The following KIAA0825 variants were observed in gnomAD, a reference collection of about 807,000 sequenced individuals.
KIAA0825 encodes KIAA0825.
A neutral mutation model predicts 147.6 loss-of-function variants in KIAA0825; 119 were observed. That is an observed-to-expected ratio of 0.81 (90% CI 0.69 to 0.94). KIAA0825 has a LOEUF of 0.94. Ranked by LOEUF, KIAA0825 falls within the 40% of genes least tolerant of loss-of-function variation. The pLI is 0.00. For synonymous variants in KIAA0825, 470 were observed against 518.1 expected (o/e 0.91, Z 1.26); for missense variants, 1,381 against 1,472.7 (o/e 0.94, Z 1.02).
chr5:94,301,891 T>C lies in KIAA0825; in HGVS notation c.3710+82477A>G, dbSNP rs73139390. Reference sequence around the variant, plus strand: ...TGATTTTATCCCTCTAAAATGAGTGTTCAAATGAGCTGGTCTCCTTTTATA... The same window carrying C: ...TGATTTTATCCCTCTAAAATGAGTGCTCAAATGAGCTGGTCTCCTTTTATA... On this transcript the variant is annotated intron_variant, in intron 20 of 20. Coordinates refer to ENST00000682413, the MANE Select transcript of KIAA0825 (RefSeq NM_001145678.3). 7.4e-3 allele frequency among the ~76,000 whole-genome samples: 1,132 copies of C among 152,282 alleles called. 16 individuals carry two copies. Among genetic ancestry groups the C allele is most frequent in the African/African-American group, 0.025 (1,060 of 41,580 alleles).
intron 5 of KIAA0825, among the ~76,000 whole-genome samples, chr5:94,501,669 CTATCTAGATATTCATGCTCAATGAATG>C (rs572694926): frequency 6.6e-6 from 1 of 152,148 alleles, no homozygotes; most frequent in African/African-American, 2.4e-5. Flanking sequence ...CTTGATGAAT[CTATCTAGATATTCATGCTCAATGAATG>C]TATCTAGATA....
At chr5:94,458,977 C>T (rs957392113) in intron 12 of KIAA0825, among the ~76,000 whole-genome samples, 2 of 152,000 alleles carry the variant, frequency 1.3e-5, no homozygotes, top group African/African-American at 4.8e-5. Flanking sequence ...TGTCACTCCC[C>T]ATTCCCTCCT....
At chr5:94,222,332 A>G (rs951118731) in intron 20 of KIAA0825, among the ~76,000 whole-genome samples, 11 of 152,152 alleles carry the variant, frequency 7.2e-5, no homozygotes, top group African/African-American at 2.4e-4. Context: ...TCAATATTTC[A>G]GGTAAGGAGA....
chr5:94,494,775 C>T (rs1036935314), intron 5 of KIAA0825, among the ~76,000 whole-genome samples: 1 of 152,126 alleles, frequency 6.6e-6, no homozygotes, highest in Non-Finnish European at 1.5e-5. Flanking sequence ...AAACTTAAAA[C>T]TCAGTTAACA....
intron 15 of KIAA0825, among the ~76,000 whole-genome samples, chr5:94,404,409 C>T (rs551496161): frequency 7.9e-5 from 12 of 152,132 alleles, no homozygotes; most frequent in East Asian, 3.9e-4. Flanking sequence ...TTATCAATGA[C>T]GGATGGAATT....
rs1768506902 is a variant in KIAA0825 at position 94,522,940 on chromosome 5, A to C, written c.300+990T>G. On this transcript the variant is annotated intron_variant, in intron 4 of 20. Coordinates refer to ENST00000682413, the MANE Select transcript of KIAA0825 (RefSeq NM_001145678.3). Reference sequence around the variant, plus strand: ...ATTCAATACACATGCCTCTTAATAGAAATTAAAGGAATAACTATATCCATA... The same window carrying C: ...ATTCAATACACATGCCTCTTAATAGCAATTAAAGGAATAACTATATCCATA... Among the ~76,000 whole-genome samples the C allele has an allele frequency of 2.0e-5, 3 of 151,742 alleles. 1 individual carries two copies. In the South Asian group the frequency reaches 6.2e-4, roughly 31 times the overall value.
intron 20 of KIAA0825, among the ~76,000 whole-genome samples, chr5:94,190,254 G>A (rs1306090225): frequency 1.3e-5 from 2 of 151,856 alleles, no homozygotes; most frequent in Admixed American, 6.6e-5. Flanking sequence ...TTTCTTATTC[G>A]CATGCTTTCT....
intron 20 of KIAA0825, among the ~76,000 whole-genome samples, chr5:94,297,006 T>C (rs1034517583): frequency 6.6e-6 from 1 of 152,198 alleles, no homozygotes; most frequent in African/African-American, 2.4e-5. Context: ...ACTGCTATTG[T>C]GGTTTTAGTT....
chr5:94,320,669 A>G (rs1274752689), intron 20 of KIAA0825, among the ~76,000 whole-genome samples: 1 of 151,962 alleles, frequency 6.6e-6, no homozygotes, highest in Non-Finnish European at 1.5e-5. Flanking sequence ...CTACCCCTCT[A>G]CAGCCTAAAA....
At chr5:94,524,422 G>T (rs1046265106) in intron 3 of KIAA0825, among the ~76,000 whole-genome samples, 1 of 151,590 alleles carries the variant, frequency 6.6e-6, no homozygotes, top group Non-Finnish European at 1.5e-5. Context: ...GAAAGGGAGA[G>T]ATAAAATACT....
intron 20 of KIAA0825, among the ~76,000 whole-genome samples, chr5:94,288,514 A>G (rs183046851): frequency 1.6e-3 from 251 of 152,284 alleles, no homozygotes; most frequent in Non-Finnish European, 1.8e-3. Context: ...AGGTTGGTTT[A>G]GCTAATTAGA....
intron 20 of KIAA0825, among the ~76,000 whole-genome samples, chr5:94,337,787 AG>A (rs1335764768): frequency 6.6e-6 from 1 of 152,212 alleles, no homozygotes; most frequent in African/African-American, 2.4e-5. Context: ...ATCAGACTGG[AG>A]CTACAGGCAG....
At chr5:94,258,430 A>G (rs968413876) in intron 20 of KIAA0825, among the ~76,000 whole-genome samples, 10 of 152,016 alleles carry the variant, frequency 6.6e-5, no homozygotes, top group Non-Finnish European at 1.2e-4. Flanking sequence ...GCATTTGCCA[A>G]TAGAATAGAA....
At position 94,247,906 on chromosome 5, in the gene KIAA0825, G is replaced by A. The variant is rs757348773; in HGVS notation, c.3711-93782C>T. ...AGATTTACTAGGAAAATATAAGGGG[G>A]GGTAATAAATATATTTTAAAATGTT... On this transcript the variant is annotated intron_variant, in intron 20 of 20. Coordinates refer to ENST00000682413, the MANE Select transcript of KIAA0825 (RefSeq NM_001145678.3). 3.9e-4 allele frequency among the ~76,000 whole-genome samples: 59 copies of A among 152,074 alleles called. 1 individual carries two copies. The highest frequency in any genetic ancestry group is 5.7e-4 in the Non-Finnish European group (39 of 67,984).
chr5:94,256,909 T>A (rs1776277243), intron 20 of KIAA0825, among the ~76,000 whole-genome samples: 1 of 152,112 alleles, frequency 6.6e-6, no homozygotes, highest in Non-Finnish European at 1.5e-5. Context: ...TTGTAAGAAG[T>A]TAATATTCAT....
At chr5:94,397,415 A>G (rs756412272) in intron 16 of KIAA0825, among the ~76,000 whole-genome samples, 45 of 152,166 alleles carry the variant, frequency 3.0e-4, no homozygotes, top group Admixed American at 2.0e-4. Flanking sequence ...TTATGATCTT[A>G]TTTAATGCAA....
At chr5:94,483,591 T>C (rs1023167767) in intron 6 of KIAA0825, among the ~76,000 whole-genome samples, 1 of 147,720 alleles carries the variant, frequency 6.8e-6, no homozygotes, top group African/African-American at 2.5e-5. Context: ...TTTGGGGGGG[T>C]TTTTTTTGGG....
intron 2 of KIAA0825, among the ~76,000 whole-genome samples, chr5:94,546,159 A>C (rs1444407151): frequency 6.6e-6 from 1 of 152,184 alleles, no homozygotes; most frequent in African/African-American, 2.4e-5. Context: ...AACAGTGGGA[A>C]GGACTTTGTC....
intron 20 of KIAA0825, among the ~76,000 whole-genome samples, chr5:94,261,063 A>AGGC (rs1776468599): frequency 6.6e-6 from 1 of 152,070 alleles, no homozygotes; most frequent in South Asian, 2.1e-4. Context: ...AGGACTTTGG[A>AGGC]GGCTGAGGTG....
Sources: gnomAD v4.1 joint callset for allele counts (sites outside exome capture counted in the v4.1 genomes callset) on GRCh38, gnomAD v4.1.1 for gene constraint, MANE v1.5 for transcripts, NCBI Gene and HGNC (gene_info 2026-07-23, HGNC 2026-07-21) for gene names.